Variants in ABHD5 observed in about 807,000 individuals in gnomAD.
ABHD5 encodes the protein 1-acylglycerol-3-phosphate O-acyltransferase ABHD5.
A neutral mutation model predicts 44.9 loss-of-function variants in ABHD5; 30 were observed. The ratio of observed to expected loss-of-function variants is 0.67; its 90% confidence interval spans 0.50 to 0.91. ABHD5 has a LOEUF of 0.91. ABHD5 is among the 40% of genes least tolerant of loss of function. ABHD5 has a pLI of 0.00. For missense variants in ABHD5, 399 were observed against 423.4 expected (o/e 0.94, Z 0.50); for synonymous variants, 167 against 147.0 (o/e 1.14, Z -0.99).
intron 3 of ABHD5, among the ~76,000 whole-genome samples, chr3:43,705,832 G>A (rs1559413799): frequency 6.6e-6 from 1 of 151,952 alleles, no homozygotes; most frequent in Non-Finnish European, 1.5e-5. Flanking sequence ...TGCTGTCCAC[G>A]TTTATTTATA....
At chr3:43,691,066 T>A in intron 1 of ABHD5, 27 bp downstream of exon 1, 3 of 1,529,480 alleles carry the variant, frequency 2.0e-6, no homozygotes, top group Non-Finnish European at 2.6e-6. Context: ...GGGGGCTTCG[T>A]GTGTCTCCGG....
chr3:43,725,900 C>G (rs2084874722), downstream of ABHD5, among the ~76,000 whole-genome samples: 1 of 151,348 alleles, frequency 6.6e-6, no homozygotes. Context: ...GGCAGAGTCT[C>G]CCTCTGTTGC....
intron 3 of ABHD5, among the ~76,000 whole-genome samples, chr3:43,703,699 G>A (rs1049447249): frequency 1.3e-5 from 2 of 152,110 alleles, no homozygotes; most frequent in Non-Finnish European, 2.9e-5. Flanking sequence ...TTGACTTTGA[G>A]GTCCGTGAGT....
At chr3:43,713,210 C>T (rs1269836182) in intron 4 of ABHD5, among the ~76,000 whole-genome samples, 1 of 150,550 alleles carries the variant, frequency 6.6e-6, no homozygotes, top group African/African-American at 2.5e-5. Context: ...CCCAGCTACT[C>T]AGGAGAGGAG....
intron 2 of ABHD5, among the ~76,000 whole-genome samples, chr3:43,701,464 G>A (rs2149595521): frequency 6.6e-6 from 1 of 152,330 alleles, no homozygotes; most frequent in Admixed American, 6.5e-5. Flanking sequence ...TCAGTTGATA[G>A]TTAAATATAA....
In ABHD5 at chr3:43,702,551, T is replaced by G; in HGVS notation, c.470T>G (p.Phe157Cys). The G allele has an allele frequency of 2.5e-6, 4 of 1,614,230 alleles. No individual in the cohort carries two copies. Among genetic ancestry groups the G allele is most frequent in the Non-Finnish European group, 3.4e-6 (4 of 1,180,038 alleles). ...MILLGHNLGG[F>C]LAAAYSLKYP... ...TTGCTTGGGCACAACCTAGGTGGAT[T>G]CTTGGCTGCTGCTTACTCGCTGAAG... The change falls in exon 3 of 7, where the codon TTC (phenylalanine) becomes TGC (cysteine). Residue 157 changes from phenylalanine (F) to cysteine (C), a missense_variant. Phe to Cys is a radical substitution (Grantham distance 205). Coordinates refer to ENST00000644371, the MANE Select transcript of ABHD5 (RefSeq NM_016006.6).
intron 1 of ABHD5, among the ~76,000 whole-genome samples, chr3:43,698,172 A>G (rs562842640): frequency 2.0e-5 from 3 of 152,212 alleles, no homozygotes; most frequent in South Asian, 2.1e-4. Flanking sequence ...GTCTGTCATT[A>G]TAGTGGTAAC....
chr3:43,717,890 A>G lies in ABHD5; in HGVS notation c.960+33A>G, dbSNP rs533647173. The G allele has an allele frequency of 8.1e-6, 13 of 1,613,366 alleles. No homozygotes were observed. The South Asian group carries it at 1.3e-4, about 16-fold the overall frequency. On this transcript the variant is annotated intron_variant, in intron 6 of 6. Transcript: ENST00000644371. ...TGTGGCTTGATTTGGGTTTTTAGGT[A>G]TAGGTGAGGTCCGTTTTATTATCTC...
intron 3 of ABHD5, among the ~76,000 whole-genome samples, chr3:43,710,074 G>C (rs992677999): frequency 6.6e-6 from 1 of 151,908 alleles, no homozygotes; most frequent in African/African-American, 2.4e-5. Context: ...GAATTTAGGA[G>C]GTGGTCAAAA....
intron 3 of ABHD5, among the ~76,000 whole-genome samples, chr3:43,710,371 T>G (rs2084672224): frequency 6.6e-6 from 1 of 152,238 alleles, no homozygotes; most frequent in Middle Eastern, 3.2e-3. Context: ...GATTAGCCTA[T>G]TTTTAGAAAA....
intron 5 of ABHD5, 45 bp downstream of exon 5, chr3:43,715,103 GTGTGTGTGTGTGTGTGTT>G: frequency 8.5e-7 from 1 of 1,169,666 alleles, no homozygotes; most frequent in Non-Finnish European, 1.3e-6. Flanking sequence ...GTGTGTGTGT[GTGTGTGTGTGTGTGTGTT>G]TGTGTGTGTT....
intron 3 of ABHD5, among the ~76,000 whole-genome samples, chr3:43,705,755 C>G (rs2084610343): frequency 6.6e-6 from 1 of 152,122 alleles, no homozygotes; most frequent in African/African-American, 2.4e-5. Context: ...ATGGAGAGGA[C>G]AGGGAAAAAT....
At position 43,691,015 on chromosome 3, in the gene ABHD5, T is replaced by C. The variant is rs776212168; in HGVS notation, c.23T>C (p.Val8Ala). The C allele has an allele frequency of 1.9e-6, 3 of 1,554,668 alleles. No homozygotes were observed. The highest frequency in any genetic ancestry group is 1.2e-5 in the South Asian group (1 of 85,562). The change falls in exon 1 of 7, where the codon GTG becomes GCG. Residue 8 changes from valine (V) to alanine (A), a missense_variant. Coordinates refer to ENST00000644371, the MANE Select transcript of ABHD5 (RefSeq NM_016006.6). Reference sequence around the variant, plus strand: ...GCTATGGCGGCGGAGGAGGAGGAGGTGGACTCTGCCGACACCGGAGAGAGG... The same window carrying C: ...GCTATGGCGGCGGAGGAGGAGGAGGCGGACTCTGCCGACACCGGAGAGAGG... MAAEEEEVDSADTGERSG... is the reference protein window; with the variant it reads MAAEEEEADSADTGERSG...
rs777126097 is a variant in ABHD5 at position 43,702,452 on chromosome 3, CAGA to C, written c.377_379del (p.Glu126del). 3.7e-6 allele frequency: 6 copies of C among 1,614,204 alleles called. No homozygotes were observed. Among genetic ancestry groups the C allele is most frequent in the South Asian group, 1.1e-5 (1 of 91,086 alleles). On this transcript the variant is annotated inframe_deletion, in exon 3 of 7. Transcript: ENST00000644371. ...AGTAGACCCAGGTTTGACAGTGATG[CAGA>C]AGAAGTGGAGAATCAGTTTGTGGAA...
At chr3:43,701,551 A>G (rs558074648) in intron 2 of ABHD5, among the ~76,000 whole-genome samples, 1 of 152,358 alleles carries the variant, frequency 6.6e-6, no homozygotes, top group East Asian at 1.9e-4. Context: ...CATTAAAGGT[A>G]AAAAAGAGTT....
Position 43,718,619 on chromosome 3 carries a change from C to A in ABHD5, c.*87C>A. 1 of 1,272,334 alleles carries A rather than the reference C, an allele frequency of 7.9e-7. No individual in the cohort carries two copies. Among genetic ancestry groups the A allele is most frequent in the Non-Finnish European group, 1.1e-6 (1 of 870,162 alleles). 78.8% of individuals were successfully genotyped at this position (1,272,334 alleles called of 1,614,324 possible). ...AGTCTGTGATGAAGAGTAGTGAATACAACACACAACCAGGCAGCCTTCTTG... is the reference window on the plus strand; with the variant it reads ...AGTCTGTGATGAAGAGTAGTGAATAAAACACACAACCAGGCAGCCTTCTTG... On this transcript the variant is annotated 3_prime_UTR_variant, in exon 7 of 7. Transcript: ENST00000644371.
downstream of ABHD5, among the ~76,000 whole-genome samples, chr3:43,723,366 G>A (rs879637689): frequency 1.3e-5 from 2 of 152,290 alleles, no homozygotes; most frequent in African/African-American, 4.8e-5. Flanking sequence ...AGAGGAATAA[G>A]ATTAGGAAAT....
chr3:43,715,139 A>AT lies in ABHD5; in HGVS notation c.773+89dup, dbSNP rs928793904. The AT allele has an allele frequency of 4.2e-5, 40 of 942,038 alleles. 1 individual carries two copies. The highest frequency in any genetic ancestry group is 7.9e-5 in the Admixed American group (4 of 50,594). The allele number at this position is 942,038 out of a possible 1,614,324, so 58.4% of individuals were successfully genotyped here. On this transcript the variant is annotated intron_variant, in intron 5 of 6. Transcript: ENST00000644371. Reference sequence around the variant, plus strand: ...TGTGTGTTTGTGTGTGTTTTAGACTATTTTTTTTAAAACTATTTATTTATT... The same window carrying AT: ...TGTGTGTTTGTGTGTGTTTTAGACTATTTTTTTTTAAAACTATTTATTTATT...
chr3:43,695,890 C>T (rs754490727), intron 1 of ABHD5, among the ~76,000 whole-genome samples: 1 of 152,200 alleles, frequency 6.6e-6, no homozygotes, highest in Non-Finnish European at 1.5e-5. Flanking sequence ...ATTGTCACCT[C>T]TGATGTGATC....
Sources: allele counts gnomAD v4.1 joint callset (sites outside exome capture counted in the v4.1 genomes callset), GRCh38; gene constraint gnomAD v4.1.1; transcripts MANE v1.5; gene names NCBI Gene and HGNC (gene_info 2026-07-23, HGNC 2026-07-21).